The following ZFX variants were observed in gnomAD, a reference collection of about 807,000 sequenced individuals.
ZFX encodes the protein zinc finger protein X-linked.
For missense variants in ZFX, 362 were observed against 628.3 expected (o/e 0.58, Z 4.53); for synonymous variants, 196 against 226.8 (o/e 0.86, Z 1.22).
At chrX:24,180,442 T>A (rs191110331) in intron 5 of ZFX, among the ~76,000 whole-genome samples, 1 of 107,085 alleles carries the variant, frequency 9.3e-6, no homozygotes, top group African/African-American at 3.4e-5. Flanking sequence ...AGTGCAGTGG[T>A]GCGATCTCAG....
intron 2 of ZFX, among the ~76,000 whole-genome samples, 189 bp from the exon 3 acceptor site, chrX:24,152,531 G>A (rs1426756038): frequency 9.0e-6 from 1 of 111,501 alleles, no homozygotes; most frequent in African/African-American, 3.3e-5. Flanking sequence ...GAGCAGCGGT[G>A]CTCCATGAAA....
At chrX:24,166,249 CTT>C (rs1376325994) in intron 3 of ZFX, among the ~76,000 whole-genome samples, 2 of 112,203 alleles carry the variant, frequency 1.8e-5, no homozygotes, top group African/African-American at 6.5e-5. Context: ...AGTTTGGACT[CTT>C]AGATTTTAAA....
At chrX:24,178,221 C>T (rs893916220) in intron 4 of ZFX, among the ~76,000 whole-genome samples, 9 of 110,541 alleles carry the variant, frequency 8.1e-5, no homozygotes, top group South Asian at 3.8e-4. Context: ...TGAGCCACTG[C>T]GCCCGGCCTA....
chrX:24,210,116 C>A (rs1353490929), intron 9 of ZFX, 77 bp from the exon 10 acceptor site: 3 of 1,176,109 alleles, frequency 2.6e-6, no homozygotes, highest in Admixed American at 2.2e-5. Context: ...GTGGTCAGAA[C>A]CCACACTTTA....
In ZFX at chrX:24,180,146, C is replaced by T. The variant is rs764618539; in HGVS notation, c.646+376C>T. 1.7e-3 allele frequency among the ~76,000 whole-genome samples: 191 copies of T among 109,476 alleles called. 1 individual carries two copies. The highest frequency in any genetic ancestry group is 4.7e-3 in the Middle Eastern group (1 of 213). Reference sequence around the variant, plus strand: ...ACTTGGGAGGCTGAGGCAGGAGAATCGCTTGAACCCGGGAGCCGGAGGTTG... The same window carrying T: ...ACTTGGGAGGCTGAGGCAGGAGAATTGCTTGAACCCGGGAGCCGGAGGTTG... On this transcript the variant is annotated intron_variant, in intron 5 of 9. Coordinates refer to ENST00000304543, the MANE Select transcript of ZFX (RefSeq NM_003410.4).
intron 3 of ZFX, among the ~76,000 whole-genome samples, chrX:24,169,608 AAG>A (rs1555908552): frequency 1.6e-3 from 173 of 106,895 alleles, no homozygotes; most frequent in African/African-American, 5.2e-3. Flanking sequence ...AAAAAAAAAA[AAG>A]ATTCTTGAGA....
chrX:24,183,197 A>AT (rs1287884111), intron 5 of ZFX, among the ~76,000 whole-genome samples: 2 of 111,214 alleles, frequency 1.8e-5, no homozygotes, highest in Non-Finnish European at 3.8e-5. Context: ...ATTTTATTTT[A>AT]TTTTTGAGAT....
chrX:24,156,969 T>C (rs1021706969), intron 3 of ZFX, among the ~76,000 whole-genome samples: 6 of 112,173 alleles, frequency 5.3e-5, no homozygotes, highest in African/African-American at 1.9e-4. Context: ...AATAGCTTTA[T>C]AATTAAAACT....
chrX:24,160,774 T>C (rs1933214238), intron 3 of ZFX, among the ~76,000 whole-genome samples: 1 of 111,849 alleles, frequency 8.9e-6, no homozygotes, highest in Admixed American at 9.5e-5. Flanking sequence ...TTTTTAACTA[T>C]AATCACCCTA....
At chrX:24,157,891 T>C (rs1005360395) in intron 3 of ZFX, among the ~76,000 whole-genome samples, 14 of 111,568 alleles carry the variant, frequency 1.3e-4, no homozygotes, top group African/African-American at 4.2e-4. Context: ...CCCGAGTAGC[T>C]GGGACTACAG....
chrX:24,168,983 A>G (rs973814757), intron 3 of ZFX, among the ~76,000 whole-genome samples: 5 of 110,880 alleles, frequency 4.5e-5, no homozygotes, highest in African/African-American at 1.6e-4. Flanking sequence ...TTACATTATC[A>G]CGTACCTTCT....
In ZFX at chrX:24,179,553, C is replaced by A. The variant is rs756579958; in HGVS notation, c.429C>A (p.Asp143Glu). 8.3e-7 allele frequency: 1 copy of A among 1,210,550 alleles called. No individual in the cohort carries two copies. Among genetic ancestry groups the A allele is most frequent in the African/African-American group, 1.7e-5 (1 of 57,295 alleles). Reference sequence around the variant, plus strand: ...CGGGTGATTCTATACATGTGTCTGACGTTGGACATGTTGGACATGTTGGAC... The same window carrying A: ...CGGGTGATTCTATACATGTGTCTGAAGTTGGACATGTTGGACATGTTGGAC... ...VLTGDSIHVS[D>E]VGHVGHVGHV... The change falls in exon 5 of 10, where the codon GAC becomes GAA. Residue 143 changes from aspartate to glutamate, a missense_variant. Physicochemically the swap from Asp to Glu is conservative, Grantham distance 45. Transcript: ENST00000304543.
At chrX:24,166,980 AG>A (rs1934062155) in intron 3 of ZFX, among the ~76,000 whole-genome samples, 1 of 112,137 alleles carries the variant, frequency 8.9e-6, no homozygotes, top group Non-Finnish European at 1.9e-5. Context: ...AGATAGAACA[AG>A]CCATGAGTAC....
At chrX:24,180,737 T>C (rs1335950256) in intron 5 of ZFX, among the ~76,000 whole-genome samples, 2 of 112,196 alleles carry the variant, frequency 1.8e-5, no homozygotes, top group African/African-American at 3.2e-5. Context: ...TATGTACTTA[T>C]ATAATATGTA....
rs1938165673 is a variant in ZFX, at chrX:24,212,528, A to G, written c.*1152A>G. 8.9e-6 allele frequency: 1 copy of G among 112,382 alleles called. No homozygotes were observed. The highest frequency in any genetic ancestry group is 9.5e-5 in the Admixed American group (1 of 10,563). The allele number at this position is 112,382 out of a possible 1,213,427, so 9.3% of individuals were successfully genotyped here. A position where few individuals can be genotyped will look rare whatever the true frequency, so the allele number is the denominator to read the frequency against. On this transcript the variant is annotated 3_prime_UTR_variant, in exon 10 of 10. Coordinates refer to ENST00000304543, the MANE Select transcript of ZFX (RefSeq NM_003410.4). The stretch of plus-strand genomic sequence containing the variant: ...CATAGAGGTTAAGATGTTTCTAGGT[A>G]GAATGTTTTCATACAATTTCACCTC...
chrX:24,205,438 C>T (rs1302040152), intron 5 of ZFX, among the ~76,000 whole-genome samples: 3 of 112,547 alleles, frequency 2.7e-5, no homozygotes, highest in Non-Finnish European at 5.6e-5. Flanking sequence ...GGGGATTATG[C>T]TTTTGGTATT....
At chrX:24,202,948 A>T (rs1398651660) in intron 5 of ZFX, among the ~76,000 whole-genome samples, 1 of 112,065 alleles carries the variant, frequency 8.9e-6, no homozygotes. Context: ...CCACACAGTG[A>T]ATCACATATT....
chrX:24,208,743 TAATA>T (rs1937811698), intron 8 of ZFX, among the ~76,000 whole-genome samples, 153 bp from the exon 9 acceptor site: 2 of 112,009 alleles, frequency 1.8e-5, no homozygotes, highest in Admixed American at 1.9e-4. Context: ...GGTCTCGCGA[TAATA>T]AATGTGCTCA....
Position 24,158,876 on chromosome X carries a change from T to C in ZFX, c.-29+6046T>C, listed in dbSNP as rs1243733113. Among the ~76,000 whole-genome samples, 3 of 109,940 alleles carry C rather than the reference T, an allele frequency of 2.7e-5. No homozygotes were observed. In the Admixed American group the frequency reaches 2.9e-4, roughly 11 times the overall value. On this transcript the variant is annotated intron_variant, in intron 3 of 9. Coordinates refer to ENST00000304543, the MANE Select transcript of ZFX (RefSeq NM_003410.4). ...CCTGGCCAGGCTGGATGATATTTTT[T>C]AGTTGCAGTTCTCTTTTACTTATCA...
Sources: gnomAD v4.1 joint callset for allele counts (sites outside exome capture counted in the v4.1 genomes callset) on GRCh38, gnomAD v4.1.1 for gene constraint, MANE v1.5 for transcripts, NCBI Gene and HGNC (gene_info 2026-07-23, HGNC 2026-07-21) for gene names.